CTNNA2: variants seen among roughly 807,000 people sequenced by gnomAD.
The protein encoded by CTNNA2 is catenin alpha-2.
In CTNNA2, 42 loss-of-function variants were observed where a neutral mutation model predicts 101.0. The ratio of observed to expected loss-of-function variants is 0.42; its 90% CI spans 0.32 to 0.54. The LOEUF is 0.54. Ranked by LOEUF, CTNNA2 falls within the 20% of genes least tolerant of loss-of-function variation. The pLI is 0.14. For missense variants in CTNNA2, 871 were observed against 1,223.1 expected (o/e 0.71, Z 4.29); for synonymous variants, 450 against 456.4 (o/e 0.99, Z 0.18).
intron 3 of CTNNA2, among the ~76,000 whole-genome samples, chr2:79,344,872 A>T (rs1032273286): frequency 2.1e-5 from 3 of 140,750 alleles, no homozygotes; most frequent in Admixed American, 2.1e-4. Flanking sequence ...TATTATATTT[A>T]TATATATAAT....
At chr2:79,930,280 G>GAA (rs1226737524) in intron 7 of CTNNA2, among the ~76,000 whole-genome samples, 3 of 82,362 alleles carry the variant, frequency 3.6e-5, no homozygotes, top group Middle Eastern at 6.3e-3. Context: ...GAAAGAAAGA[G>GAA]AGAGAGAGAG....
chr2:80,068,621 A>AT (rs1489505303), intron 7 of CTNNA2, among the ~76,000 whole-genome samples: 1 of 152,134 alleles, frequency 6.6e-6, no homozygotes, highest in Non-Finnish European at 1.5e-5. Context: ...ATTACAATGT[A>AT]TTTTTTACTT....
chr2:80,232,350 T>G (rs1709291909), intron 7 of CTNNA2, among the ~76,000 whole-genome samples: 2 of 12,884 alleles, frequency 1.6e-4, no homozygotes, highest in African/African-American at 9.7e-4. Flanking sequence ...TGTTTGTTTT[T>G]TTTTTTTTTT....
At chr2:80,484,813 T>C (rs983269777) in intron 9 of CTNNA2, among the ~76,000 whole-genome samples, 15 of 152,118 alleles carry the variant, frequency 9.9e-5, no homozygotes, top group South Asian at 4.1e-4. Flanking sequence ...GAGACCATCC[T>C]GGCTACCACG....
At chr2:79,220,430 TC>T (rs1250056695) in intron 2 of CTNNA2, among the ~76,000 whole-genome samples, 1 of 152,122 alleles carries the variant, frequency 6.6e-6, no homozygotes. Flanking sequence ...AAGTAGACTT[TC>T]TACCACCTCA....
At chr2:79,860,940 CTATT>C (rs1179090881) in intron 4 of CTNNA2, among the ~76,000 whole-genome samples, 1 of 152,172 alleles carries the variant, frequency 6.6e-6, no homozygotes, top group African/African-American at 2.4e-5. Flanking sequence ...CTGCAAGCTT[CTATT>C]TATTTGTTTT....
intron 7 of CTNNA2, among the ~76,000 whole-genome samples, chr2:80,069,705 C>CAT (rs796330891): frequency 7.3e-5 from 11 of 151,300 alleles, no homozygotes; most frequent in African/African-American, 2.7e-4. Flanking sequence ...AATATATGTA[C>CAT]GTGTGTGTGT....
chr2:80,523,888 A>G (rs999562534), intron 9 of CTNNA2, among the ~76,000 whole-genome samples: 2 of 152,190 alleles, frequency 1.3e-5, no homozygotes, highest in African/African-American at 4.8e-5. Context: ...ACGTTGCCAT[A>G]CTTAGGGGAA....
At chr2:79,658,175 A>G (rs1355729950) in intron 2 of CTNNA2, among the ~76,000 whole-genome samples, 1 of 152,006 alleles carries the variant, frequency 6.6e-6, no homozygotes, top group Non-Finnish European at 1.5e-5. Flanking sequence ...GTAATTTATT[A>G]TATCATTGGA....
At chr2:80,608,453 T>C in intron 17 of CTNNA2, 135 bp downstream of exon 17, 1 of 838,874 alleles carries the variant, frequency 1.2e-6, no homozygotes, top group South Asian at 2.6e-5. Context: ...ATAAATGTTA[T>C]CACCATTATT....
chr2:79,569,744 A>G lies in CTNNA2; in HGVS notation c.-6+56537A>G, dbSNP rs149018165. Among the ~76,000 whole-genome samples, 174 of 152,312 alleles carry G rather than the reference A, an allele frequency of 1.1e-3. 1 individual carries two copies. The highest frequency in any genetic ancestry group is 3.9e-3 in the African/African-American group (161 of 41,570). ...TTGAATTCAGTGTCAGATTTAAAACATATGTAGGCTCAGGCTTTACTTTTT... is the reference window on the plus strand; with the variant it reads ...TTGAATTCAGTGTCAGATTTAAAACGTATGTAGGCTCAGGCTTTACTTTTT... On this transcript the variant is annotated intron_variant, in intron 1 of 18. Coordinates refer to ENST00000402739, the MANE Select transcript of CTNNA2 (RefSeq NM_001282597.3).
chr2:80,645,713 G>C (rs1244975165), intron 18 of CTNNA2, among the ~76,000 whole-genome samples: 1 of 152,122 alleles, frequency 6.6e-6, no homozygotes, highest in African/African-American at 2.4e-5. Flanking sequence ...CTGTTAACAT[G>C]AATAACCTAG....
chr2:79,560,441 G>A (rs1674704938), intron 1 of CTNNA2, among the ~76,000 whole-genome samples: 1 of 151,892 alleles, frequency 6.6e-6, no homozygotes. Context: ...AAATAGCCTT[G>A]GAAGAATCTG....
At chr2:80,062,306 C>A (rs917665513) in intron 7 of CTNNA2, among the ~76,000 whole-genome samples, 18 of 152,198 alleles carry the variant, frequency 1.2e-4, no homozygotes, top group African/African-American at 4.3e-4. Context: ...TCTGCCCTTT[C>A]CATCCTCATC....
intron 7 of CTNNA2, among the ~76,000 whole-genome samples, chr2:79,923,823 A>C (rs898262444): frequency 6.6e-5 from 10 of 152,120 alleles, no homozygotes; most frequent in African/African-American, 2.2e-4. Flanking sequence ...TAGATTCCAC[A>C]TAAAATTGAG....
intron 2 of CTNNA2, among the ~76,000 whole-genome samples, chr2:79,303,576 C>T (rs1676164811): frequency 6.6e-6 from 1 of 152,022 alleles, no homozygotes; most frequent in Non-Finnish European, 1.5e-5. Context: ...CTTATTTATG[C>T]TGTCAGATGT....
intron 1 of CTNNA2, among the ~76,000 whole-genome samples, chr2:79,647,002 G>A (rs1426425653): frequency 6.6e-6 from 1 of 152,166 alleles, no homozygotes; most frequent in Non-Finnish European, 1.5e-5. Flanking sequence ...TCTACCAAAG[G>A]TAAGTAAAAT....
At chr2:79,682,359 C>T (rs931885781) in intron 2 of CTNNA2, among the ~76,000 whole-genome samples, 21 of 133,752 alleles carry the variant, frequency 1.6e-4, no homozygotes, top group Admixed American at 4.6e-4. Flanking sequence ...TGCAGTGAGC[C>T]GAGATCGCGC....
intron 3 of CTNNA2, among the ~76,000 whole-genome samples, chr2:79,353,923 C>T (rs1031457823): frequency 1.3e-5 from 2 of 151,984 alleles, no homozygotes; most frequent in Admixed American, 6.6e-5. Flanking sequence ...TTCTTCTTCA[C>T]TTATTATGCT....
Sources: gnomAD v4.1 joint callset for allele counts (sites outside exome capture counted in the v4.1 genomes callset) on GRCh38, gnomAD v4.1.1 for gene constraint, MANE v1.5 for transcripts, NCBI Gene and HGNC (gene_info 2026-07-23, HGNC 2026-07-21) for gene names.